Variants in PTPRN observed in about 807,000 individuals in gnomAD.
The protein encoded by PTPRN is protein tyrosine phosphatase receptor type N, also known as receptor-type tyrosine-protein phosphatase-like N.
PTPRN carries 70 observed loss-of-function variants against 108.5 expected under a neutral mutation model. The observed-to-expected ratio is 0.65, with a 90% CI of 0.53 to 0.79. The LOEUF (loss-of-function observed/expected upper bound fraction) is 0.79. PTPRN is among the 30% of genes least tolerant of loss of function. The pLI, the probability that PTPRN is intolerant of heterozygous loss-of-function variation, is 0.00. For missense variants in PTPRN, 1,136 were observed against 1,295.5 expected, an observed-to-expected ratio of 0.88 and a Z score of 1.89; for synonymous variants, 496 against 524.6, an observed-to-expected ratio of 0.95 and a Z score of 0.75.
rs763705564 is a variant in PTPRN at position 219,297,929 on chromosome 2, G to A, written c.1843C>T (p.Leu615=). 1 of 1,612,892 alleles carries A rather than the reference G, an allele frequency of 6.2e-7. No individual in the cohort carries two copies. The highest frequency in any genetic ancestry group is 2.2e-5 in the East Asian group (1 of 44,878). The change falls in exon 13 of 23, where the codon CTG becomes TTG. Residue 615 remains leucine, a synonymous_variant. Coordinates refer to ENST00000295718, the MANE Select transcript of PTPRN (RefSeq NM_002846.4). This position sits in a 1 kb window ranked among gnomAD's most constrained non-coding sequence, Gnocchi z 6.0. ...TCACCATGGGCCCCCTCAGGCCCCA[G>A]GGCTGCCAGGCGCTCCTTGTCTTGC... ...RQQDKERLAA[L]GPEGAHGDTT...
chr2:219,298,208 G>A, intron 12 of PTPRN, 105 bp from the exon 13 acceptor site: 4 of 1,099,248 alleles, frequency 3.6e-6, no homozygotes, highest in Non-Finnish European at 4.0e-6. Flanking sequence ...ACATCTCCTG[G>A]GGCAAAGCTG....
At chr2:219,304,644 C>T (rs943938310) in intron 3 of PTPRN, among the ~76,000 whole-genome samples, 5 of 152,184 alleles carry the variant, frequency 3.3e-5, no homozygotes, top group Non-Finnish European at 5.9e-5. Context: ...ACACCTGCCT[C>T]CTTGCTTATT....
At chr2:219,303,938 T>C (rs764866253) in intron 3 of PTPRN, 107 bp from the exon 4 acceptor site, 52 of 817,448 alleles carry the variant, frequency 6.4e-5, no homozygotes, top group Non-Finnish European at 8.9e-5. Context: ...TCATGGGGTT[T>C]GTCAGAGTAG....
At chr2:219,295,839 A>G (rs1046994897) in intron 18 of PTPRN, 3 of 177,120 alleles carry the variant, frequency 1.7e-5, no homozygotes, top group Non-Finnish European at 2.4e-5. Flanking sequence ...TCTTAATCTC[A>G]GTCTTTGGGT....
intron 1 of PTPRN, chr2:219,308,840 C>T: frequency 7.6e-7 from 1 of 1,316,482 alleles, no homozygotes. Context: ...CCCTCATTCT[C>T]CCCGCCACCT....
At chr2:219,304,316 G>A (rs541618040) in intron 3 of PTPRN, among the ~76,000 whole-genome samples, 6 of 152,146 alleles carry the variant, frequency 3.9e-5, no homozygotes, top group African/African-American at 1.2e-4. Context: ...ATATTTCAGG[G>A]GGCTGTTGTG....
Position 219,290,085 on chromosome 2 carries a change from C to T in PTPRN, c.*141G>A, listed in dbSNP as rs1952018695. The T allele has an allele frequency of 1.2e-6, 1 of 819,394 alleles. No individual in the cohort carries two copies. 50.8% of individuals were successfully genotyped at this position (819,394 alleles called of 1,614,324 possible). A position where few individuals can be genotyped will look rare whatever the true frequency, so the allele number is the denominator to read the frequency against. ...GGCTGGGCAGGCGTGCCCCTTCTGG[C>T]TTTCCCTTCCTGACTCTTCTAGGAA... On this transcript the variant is annotated 3_prime_UTR_variant, in exon 23 of 23. Coordinates refer to ENST00000295718, the MANE Select transcript of PTPRN (RefSeq NM_002846.4). This position sits in a 1 kb window ranked among gnomAD's most constrained non-coding sequence, Gnocchi z 4.2.
chr2:219,297,846 T>A lies in PTPRN; in HGVS notation c.1887+39A>T. On this transcript the variant is annotated intron_variant, in intron 13 of 22. Coordinates refer to ENST00000295718, the MANE Select transcript of PTPRN (RefSeq NM_002846.4). This position sits in a 1 kb window ranked among gnomAD's most constrained non-coding sequence, Gnocchi z 6.0. The stretch of plus-strand genomic sequence containing the variant: ...GCAAGACCCAGACTCCCAGGCCCCT[T>A]GCATTTCCTTTGCTCAATCAGCTTC... 1 of 1,560,338 alleles carries A rather than the reference T, an allele frequency of 6.4e-7. No homozygotes were observed. The highest frequency in any genetic ancestry group is 8.7e-7 in the Non-Finnish European group (1 of 1,152,364).
rs1382592206 is a variant in PTPRN, at chr2:219,302,228, G to A, written c.903C>T (p.Ser301=). The A allele has an allele frequency of 6.2e-7, 1 of 1,613,994 alleles. No individual in the cohort carries two copies. The highest frequency in any genetic ancestry group is 8.5e-7 in the Non-Finnish European group (1 of 1,180,004). The change falls in exon 6 of 23, where the codon AGC becomes AGT. Residue 301 remains serine (S), a synonymous_variant. Transcript: ENST00000295718. Reference sequence around the variant, plus strand: ...CTGGGGAGTCCTCTGCCCGGCTGCTGCTCCCTTGCTCTGGCAGCCTTGGCA... The same window carrying A: ...CTGGGGAGTCCTCTGCCCGGCTGCTACTCCCTTGCTCTGGCAGCCTTGGCA... ...ARVPRLPEQG[S]SSRAEDSPEG... is the part of the protein sequence containing the mutation.
In PTPRN at chr2:219,290,397, C is replaced by T. The variant is rs1952026556; in HGVS notation, c.2869-100G>A. The T allele has an allele frequency of 2.1e-6, 3 of 1,415,244 alleles. No individual in the cohort carries two copies. Among genetic ancestry groups the T allele is most frequent in the East Asian group, 2.5e-5 (1 of 40,774 alleles). The allele number at this position is 1,415,244 out of a possible 1,614,324, so 87.7% of individuals were successfully genotyped here. On this transcript the variant is annotated intron_variant, in intron 22 of 22. Transcript: ENST00000295718. This position sits in a 1 kb window ranked among gnomAD's most constrained non-coding sequence, Gnocchi z 4.2. ...GTGGGGGGAGGGCCCTGGGCAGGTC[C>T]CCTGGGAGGAAGGGAGCCCTCCTGG... is the stretch of plus-strand genomic sequence containing the variant.
intron 19 of PTPRN, 25 bp from the exon 20 acceptor site, chr2:219,291,548 G>T: frequency 6.2e-7 from 1 of 1,611,236 alleles, no homozygotes; most frequent in Non-Finnish European, 8.5e-7. Context: ...GGGTGTGAGG[G>T]CCAGTGGGCA....
intron 19 of PTPRN, 69 bp downstream of exon 19, chr2:219,294,906 G>A: frequency 7.4e-7 from 1 of 1,358,764 alleles, no homozygotes; most frequent in South Asian, 1.7e-5. Context: ...GCTCCAGGCC[G>A]AGCGGCGGGC....
intron 18 of PTPRN, chr2:219,295,559 C>T (rs1017756377): frequency 4.3e-5 from 7 of 162,040 alleles, no homozygotes; most frequent in Non-Finnish European, 8.0e-5. Flanking sequence ...ACTATTCAGG[C>T]TCATCTGGTG....
chr2:219,292,310 G>A (rs1316191224), intron 19 of PTPRN: 1 of 152,456 alleles, frequency 6.6e-6, no homozygotes, highest in Non-Finnish European at 1.5e-5. Context: ...ACTCAGTGAG[G>A]AGCAGGGGGC....
Position 219,296,211 on chromosome 2 carries a change from T to C in PTPRN, c.2508+15A>G. Reference sequence around the variant, plus strand: ...TCCCACATCCATTGTCCCCTTGCTGTGGGGCCCTGCTGACCTCATATACGT... The same window carrying C: ...TCCCACATCCATTGTCCCCTTGCTGCGGGGCCCTGCTGACCTCATATACGT... On this transcript the variant is annotated intron_variant, in intron 18 of 22. Transcript: ENST00000295718. The surrounding 1 kb of genome is among the most constrained non-coding windows in gnomAD (Gnocchi z 6.0). 6.2e-7 allele frequency: 1 copy of C among 1,613,836 alleles called. No individual in the cohort carries two copies. The highest frequency in any genetic ancestry group is 2.2e-5 in the East Asian group (1 of 44,872).
In PTPRN at chr2:219,300,070, G is replaced by A. The variant is rs146635400; in HGVS notation, c.1351C>T (p.Leu451=). ...GCCACCGTGGGCTGGCTCTGGCCCA[G>A]TGGGCTTTTCTTCTCTAGCAGGACA... ...TPVLLEKKSP[L]GQSQPTVAGQ... is the part of the protein sequence containing the mutation. Residue 451 remains leucine, a synonymous_variant, in exon 9 of 23, where the codon CTG becomes TTG. Coordinates refer to ENST00000295718, the MANE Select transcript of PTPRN (RefSeq NM_002846.4). The A allele has an allele frequency of 6.2e-7, 1 of 1,614,210 alleles. No homozygotes were observed. The highest frequency in any genetic ancestry group is 8.5e-7 in the Non-Finnish European group (1 of 1,180,026).
intron 20 of PTPRN, 144 bp downstream of exon 20, chr2:219,291,326 T>G (rs1952049607): frequency 4.6e-6 from 4 of 864,382 alleles, no homozygotes; most frequent in East Asian, 2.6e-5. Flanking sequence ...ATGCCACGCT[T>G]AGGTCTTGGC....
intron 12 of PTPRN, 96 bp from the exon 13 acceptor site, chr2:219,298,199 C>A: frequency 8.1e-7 from 1 of 1,240,998 alleles, no homozygotes. Context: ...CCTGTTAGGA[C>A]ATCTCCTGGG....
chr2:219,295,717 A>C (rs1379969738), intron 18 of PTPRN: 3 of 155,214 alleles, frequency 1.9e-5, no homozygotes, highest in African/African-American at 7.2e-5. Flanking sequence ...CTCTCTCCTA[A>C]TGAAAAAGTT....
Sources: gnomAD v4.1 joint callset for allele counts (sites outside exome capture counted in the v4.1 genomes callset) on GRCh38, gnomAD v4.1.1 for gene constraint, Gnocchi (gnomAD v3.1) non-coding constraint, MANE v1.5 for transcripts, NCBI Gene and HGNC (gene_info 2026-07-23, HGNC 2026-07-21) for gene names.